MGST2: variants seen among roughly 807,000 people sequenced by gnomAD.
MGST2 encodes the protein glutathione peroxidase MGST2.
A neutral mutation model predicts 16.6 loss-of-function variants in MGST2; 9 were observed. That is an observed-to-expected ratio of 0.54 (90% CI 0.33 to 0.95). The LOEUF (loss-of-function observed/expected upper bound fraction) is 0.95. MGST2 is among the 40% of genes least tolerant of loss of function. The pLI is 0.03. For synonymous variants in MGST2, 79 were observed against 68.0 expected, an observed-to-expected ratio of 1.16 and a Z score of -0.79; for missense variants, 159 against 175.1, an observed-to-expected ratio of 0.91 and a Z score of 0.52.
chr4:139,675,691 C>A (rs573254760), intron 1 of MGST2, among the ~76,000 whole-genome samples: 2 of 152,184 alleles, frequency 1.3e-5, no homozygotes, highest in African/African-American at 2.4e-5. Context: ...AAGAGTGCAG[C>A]GGGCTGCCTC....
intron 5 of MGST2, among the ~76,000 whole-genome samples, chr4:139,737,076 C>T (rs1482036842): frequency 6.6e-6 from 1 of 152,074 alleles, no homozygotes; most frequent in Admixed American, 6.5e-5. Context: ...TGAGGAGCAT[C>T]CATGACTGAG....
chr4:139,732,168 A>G (rs544596153), intron 5 of MGST2, among the ~76,000 whole-genome samples: 1 of 152,264 alleles, frequency 6.6e-6, no homozygotes, highest in East Asian at 1.9e-4. Context: ...GGATTTTAAC[A>G]TTTTTCTTCT....
the MGST2 span, among the ~76,000 whole-genome samples, chr4:139,746,018 G>A: frequency 2.6e-5 from 4 of 152,160 alleles, no homozygotes; most frequent in Non-Finnish European, 5.9e-5. Flanking sequence ...AAGAAGTCCT[G>A]ACAAGTAATA....
chr4:139,673,332 G>A (rs1005505439), intron 1 of MGST2, among the ~76,000 whole-genome samples: 2 of 152,228 alleles, frequency 1.3e-5, no homozygotes, highest in African/African-American at 4.8e-5. Context: ...ATTGCAGGGT[G>A]CCAAGCAAGG....
At chr4:139,720,277 C>A in intron 5 of MGST2, 1 of 1,571,840 alleles carries the variant, frequency 6.4e-7, no homozygotes, top group Non-Finnish European at 8.6e-7. Context: ...TTCGCATGCT[C>A]TGGAGGGCTG....
intron 5 of MGST2, among the ~76,000 whole-genome samples, chr4:139,726,391 T>C (rs1327738280): frequency 1.3e-5 from 2 of 152,234 alleles, no homozygotes; most frequent in Admixed American, 6.5e-5. Flanking sequence ...GTGACTGCTA[T>C]GAACATTCCT....
At chr4:139,720,512 G>T (rs770798744) in intron 5 of MGST2, among the ~76,000 whole-genome samples, 6 of 152,140 alleles carry the variant, frequency 3.9e-5, no homozygotes, top group Admixed American at 3.3e-4. Context: ...AATTTTGAAA[G>T]TGTTAAAAAA....
intron 1 of MGST2, 28 bp downstream of exon 1, chr4:139,666,105 TGCGCGTGTGTGC>T (rs764335889): frequency 1.3e-6 from 2 of 1,580,666 alleles, no homozygotes; most frequent in South Asian, 2.2e-5. Flanking sequence ...TTCGTGTGTG[TGCGCGTGTGTGC>T]GTGTGTGTGT....
chr4:139,708,964 A>G (rs1727628489), downstream of MGST2, among the ~76,000 whole-genome samples: 2 of 137,372 alleles, frequency 1.5e-5, no homozygotes, highest in Non-Finnish European at 3.0e-5. Flanking sequence ...GCACCACTGC[A>G]CTCCAGCCTG....
chr4:139,669,110 A>G (rs932152522), intron 1 of MGST2, among the ~76,000 whole-genome samples: 2 of 152,170 alleles, frequency 1.3e-5, no homozygotes, highest in Non-Finnish European at 2.9e-5. Flanking sequence ...GGCGGAGGAT[A>G]TAATGAGGCA....
intron 1 of MGST2, 137 bp downstream of exon 1, chr4:139,666,214 G>C: frequency 3.3e-6 from 3 of 896,014 alleles, no homozygotes; most frequent in Non-Finnish European, 5.4e-6. Context: ...AGGTAGCTCT[G>C]GGTCCTCAGA....
intron 2 of MGST2, among the ~76,000 whole-genome samples, chr4:139,683,635 G>T (rs970364619): frequency 3.3e-5 from 5 of 152,072 alleles, no homozygotes; most frequent in African/African-American, 1.2e-4. Flanking sequence ...ATAAATTCAG[G>T]GGTCATTGGC....
chr4:139,695,833 A>G (rs1407010042), intron 3 of MGST2, among the ~76,000 whole-genome samples: 18 of 152,192 alleles, frequency 1.2e-4, no homozygotes. Flanking sequence ...CTTCAAATCT[A>G]ATAATCTACA....
intron 2 of MGST2, among the ~76,000 whole-genome samples, chr4:139,682,513 C>G (rs1483898111): frequency 1.3e-5 from 2 of 152,098 alleles, no homozygotes; most frequent in African/African-American, 2.4e-5. Flanking sequence ...GAGGTCAACT[C>G]AGAGAGGTCA....
chr4:139,688,742 G>A (rs1232806263), intron 2 of MGST2, among the ~76,000 whole-genome samples: 1 of 152,176 alleles, frequency 6.6e-6, no homozygotes, highest in Non-Finnish European at 1.5e-5. Flanking sequence ...ACATATTCCT[G>A]TTTTCTTACA....
chr4:139,724,300 C>G (rs1277912655), intron 5 of MGST2, among the ~76,000 whole-genome samples: 1 of 152,188 alleles, frequency 6.6e-6, no homozygotes, highest in South Asian at 2.1e-4. Flanking sequence ...GCTCACAGTT[C>G]ATGATCTAGG....
At chr4:139,720,958 C>CAGAT (rs933758941) in intron 5 of MGST2, among the ~76,000 whole-genome samples, 91 of 152,316 alleles carry the variant, frequency 6.0e-4, no homozygotes, top group African/African-American at 2.1e-3. Flanking sequence ...GCTATTTTGA[C>CAGAT]AGATAGGACA....
intron 3 of MGST2, chr4:139,698,033 A>G (rs1727024829): frequency 4.8e-6 from 3 of 631,444 alleles, no homozygotes; most frequent in Non-Finnish European, 8.2e-6. Context: ...ATACTTAGGT[A>G]CCTTTTGACC....
In MGST2 at chr4:139,724,971, C is replaced by G. The variant is rs1728406430; in HGVS notation, c.*49-15241C>G. On this transcript the variant is annotated intron_variant, in intron 5 of 5. Transcript: ENST00000616265. ...ACAGGGTTTTGCTATGTTGGCCAGG[C>G]TGGTCTTGAACTCCTGGCCTCAAGT... Among the ~76,000 whole-genome samples the G allele has an allele frequency of 2.0e-5, 3 of 152,072 alleles. No homozygotes were observed. The South Asian group carries it at 6.2e-4, about 31-fold the overall frequency.
Sources: allele counts gnomAD v4.1 joint callset (sites outside exome capture counted in the v4.1 genomes callset), GRCh38; gene constraint gnomAD v4.1.1; transcripts MANE v1.5; gene names NCBI Gene and HGNC (gene_info 2026-07-23, HGNC 2026-07-21).